TMEM63C: variants seen among roughly 807,000 people sequenced by gnomAD.
TMEM63C encodes the protein transmembrane protein 63C, also known as osmosensitive cation channel TMEM63C.
Under a neutral mutation model 99.2 loss-of-function variants are expected in TMEM63C, and 32 were observed. The observed-to-expected ratio is 0.32, with a 90% CI of 0.24 to 0.43. TMEM63C has a LOEUF of 0.43. Among genes scored for constraint, TMEM63C ranks in the 20% least tolerant of loss-of-function variants. The probability of loss-of-function intolerance (pLI) is 1.00; values close to 1 mark genes in which losing one functional copy is unlikely to be tolerated. For missense variants in TMEM63C, 826 were observed against 1,053.0 expected (o/e 0.78, Z 2.98); for synonymous variants, 376 against 397.9 (o/e 0.94, Z 0.66).
Position 77,210,778 on chromosome 14 carries a change from T to C in TMEM63C, c.-76-2668T>C, listed in dbSNP as rs557134143. On this transcript the variant is annotated intron_variant, in intron 1 of 23. Transcript: ENST00000298351. ...CAGAACCATGGGAGATAATCTTACCTGTTGTTAACAAAAAGATGATTAATT... is the reference window on the plus strand; with the variant it reads ...CAGAACCATGGGAGATAATCTTACCCGTTGTTAACAAAAAGATGATTAATT... Among the ~76,000 whole-genome samples, 7 of 152,254 alleles carry C rather than the reference T, an allele frequency of 4.6e-5. No homozygotes were observed. In the East Asian group the frequency reaches 9.7e-4, roughly 21 times the overall value.
At chr14:77,225,082 G>C (rs569120213) in intron 5 of TMEM63C, among the ~76,000 whole-genome samples, 1 of 152,140 alleles carries the variant, frequency 6.6e-6, no homozygotes, top group African/African-American at 2.4e-5. Context: ...TGGACCACAC[G>C]CATCCAGTGA....
chr14:77,186,791 GTGTGTGTGTC>G (rs1348038039), intron 1 of TMEM63C, among the ~76,000 whole-genome samples: 5 of 118,226 alleles, frequency 4.2e-5, no homozygotes, highest in South Asian at 3.1e-4. Flanking sequence ...GTGTGTGTGT[GTGTGTGTGTC>G]TGTGTGTGTG....
Position 77,249,414 on chromosome 14 carries a change from T to A in TMEM63C, c.1994T>A (p.Leu665His). ...AAVSQAIFAP[L>H]LGLFWMLFFS... ...GTCTCCCAGGCCATCTTTGCGCCACTCTTGGGTCTGTTCTGGATGCTGTTC... is the reference window on the plus strand; with the variant it reads ...GTCTCCCAGGCCATCTTTGCGCCACACTTGGGTCTGTTCTGGATGCTGTTC... Residue 665 changes from leucine (L) to histidine (H), a missense_variant, in exon 21 of 24, where the codon CTC becomes CAC. Coordinates refer to ENST00000298351, the MANE Select transcript of TMEM63C (RefSeq NM_020431.4). 1 of 1,614,040 alleles carries A rather than the reference T, an allele frequency of 6.2e-7. No homozygotes were observed. The highest frequency in any genetic ancestry group is 8.5e-7 in the Non-Finnish European group (1 of 1,179,896).
chr14:77,182,604 G>T (rs1464867746), intron 1 of TMEM63C, among the ~76,000 whole-genome samples: 1 of 152,134 alleles, frequency 6.6e-6, no homozygotes, highest in African/African-American at 2.4e-5. Flanking sequence ...CTCTGGAGGG[G>T]CAGGGGCCCT....
chr14:77,234,438 G>T (rs555836339), intron 8 of TMEM63C, among the ~76,000 whole-genome samples: 1 of 152,282 alleles, frequency 6.6e-6, no homozygotes, highest in African/African-American at 2.4e-5. Flanking sequence ...TTGCTGGCCC[G>T]AGGTACCTAC....
intron 13 of TMEM63C, among the ~76,000 whole-genome samples, 151 bp downstream of exon 13, chr14:77,240,759 G>A (rs560482892): frequency 6.6e-6 from 1 of 152,262 alleles, no homozygotes; most frequent in Non-Finnish European, 1.5e-5. Flanking sequence ...CAGTGGATGA[G>A]ATGGCCATAC....
chr14:77,201,641 G>C (rs1888301765), intron 1 of TMEM63C, among the ~76,000 whole-genome samples: 1 of 152,216 alleles, frequency 6.6e-6, no homozygotes, highest in African/African-American at 2.4e-5. Flanking sequence ...AGAAACCCTG[G>C]GGCAGGGCCC....
intron 1 of TMEM63C, among the ~76,000 whole-genome samples, chr14:77,185,864 G>A (rs1202903453): frequency 6.6e-6 from 1 of 152,094 alleles, no homozygotes; most frequent in Non-Finnish European, 1.5e-5. Flanking sequence ...TCCACACAGA[G>A]CCACTGGAAG....
chr14:77,233,953 G>A (rs1888991001), intron 8 of TMEM63C, among the ~76,000 whole-genome samples: 1 of 152,088 alleles, frequency 6.6e-6, no homozygotes, highest in Non-Finnish European at 1.5e-5. Flanking sequence ...CTGGCCCTAG[G>A]TCTGAAGCAG....
In TMEM63C at chr14:77,256,619, C is replaced by T. The variant is rs1423282803; in HGVS notation, c.2314C>T (p.Pro772Ser). 6.2e-7 allele frequency: 1 copy of T among 1,614,012 alleles called. No individual in the cohort carries two copies. Among genetic ancestry groups the T allele is most frequent in the South Asian group, 1.1e-5 (1 of 91,082 alleles). ...CACCTATGGCACCATGAACAACCAGCCGGAAGAGGGAGAAGAAGAGAGTGG... is the reference window on the plus strand; with the variant it reads ...CACCTATGGCACCATGAACAACCAGTCGGAAGAGGGAGAAGAAGAGAGTGG... ...RHTYGTMNNQ[P>S]EEGEEESGLR... The change falls in exon 24 of 24, where the codon CCG becomes TCG. Residue 772 changes from proline (P) to serine (S), a missense_variant. Transcript: ENST00000298351.
intron 6 of TMEM63C, among the ~76,000 whole-genome samples, chr14:77,226,253 C>A (rs1361571056): frequency 6.6e-6 from 1 of 152,178 alleles, no homozygotes; most frequent in Non-Finnish European, 1.5e-5. Flanking sequence ...CCCACCCCTA[C>A]CCAAAGACTC....
intron 7 of TMEM63C, among the ~76,000 whole-genome samples, chr14:77,232,874 AG>A (rs1406289372): frequency 6.6e-6 from 1 of 152,210 alleles, no homozygotes. Context: ...CCTTGGCCAG[AG>A]GTAGACCTTA....
chr14:77,208,331 G>C (rs1888440369), intron 1 of TMEM63C, among the ~76,000 whole-genome samples: 1 of 152,150 alleles, frequency 6.6e-6, no homozygotes, highest in Admixed American at 6.5e-5. Flanking sequence ...CCTTTCACCT[G>C]CTATCTAGGG....
At chr14:77,202,608 C>G (rs1888316939) in intron 1 of TMEM63C, among the ~76,000 whole-genome samples, 2 of 152,136 alleles carry the variant, frequency 1.3e-5, no homozygotes, top group Non-Finnish European at 2.9e-5. Context: ...CTCCCTTTGT[C>G]TTCTCATGGC....
In TMEM63C at chr14:77,248,463, G is replaced by T. The variant is rs750976794; in HGVS notation, c.1718G>T (p.Arg573Leu). Residue 573 changes from arginine (R) to leucine (L), a missense_variant, in exon 19 of 24, where the codon CGC becomes CTC. By Grantham distance (102) the Arg-to-Leu change is moderately radical (BLOSUM62 -2). Coordinates refer to ENST00000298351, the MANE Select transcript of TMEM63C (RefSeq NM_020431.4). Reference protein sequence around the residue: ...RLGSLFCYSTRLFFSRSEPER... With the variant: ...RLGSLFCYSTLLFFSRSEPER... ...GGGTCACTCTTCTGCTACAGCACCC[G>T]CCTCTTCTTCTCTAGATCAGAGCCA... 46 of 1,593,566 alleles carry T rather than the reference G, an allele frequency of 2.9e-5. No individual in the cohort carries two copies. Among genetic ancestry groups the T allele is most frequent in the Non-Finnish European group, 2.0e-5 (23 of 1,170,154 alleles).
At chr14:77,195,041 C>A (rs1333079219) in intron 1 of TMEM63C, among the ~76,000 whole-genome samples, 2 of 151,916 alleles carry the variant, frequency 1.3e-5, no homozygotes. Context: ...ATCAATTGAG[C>A]CCAGGCATTG....
In TMEM63C at chr14:77,218,842, C is replaced by T. The variant is rs767883333; in HGVS notation, c.29C>T (p.Thr10Ile). Reference protein sequence around the residue: MSASPDDLSTGGRLQNMTVD... With the variant: MSASPDDLSIGGRLQNMTVD... ...TCTGCCTCACCAGACGACCTGAGTA[C>T]AGGGGGAAGGTTACAGAACATGACA... Residue 10 changes from threonine (T) to isoleucine (I), a missense_variant, in exon 3 of 24, where the codon ACA (threonine) becomes ATA (isoleucine). Coordinates refer to ENST00000298351, the MANE Select transcript of TMEM63C (RefSeq NM_020431.4). 6.2e-7 allele frequency: 1 copy of T among 1,613,612 alleles called. No homozygotes were observed. Among genetic ancestry groups the T allele is most frequent in the Non-Finnish European group, 8.5e-7 (1 of 1,179,764 alleles).
At chr14:77,200,345 C>T (rs1374306839) in intron 1 of TMEM63C, among the ~76,000 whole-genome samples, 1 of 152,202 alleles carries the variant, frequency 6.6e-6, no homozygotes, top group South Asian at 2.1e-4. Flanking sequence ...GTTGTGCCAG[C>T]CACCACCCCT....
intron 2 of TMEM63C, 30 bp from the exon 3 acceptor site, chr14:77,218,771 C>T (rs989784222): frequency 2.5e-6 from 4 of 1,608,664 alleles, no homozygotes; most frequent in Admixed American, 1.7e-5. Context: ...GGAGTCTTTG[C>T]ATCTGACCTG....
Sources: gnomAD v4.1 joint callset for allele counts (sites outside exome capture counted in the v4.1 genomes callset) on GRCh38, gnomAD v4.1.1 for gene constraint, MANE v1.5 for transcripts, NCBI Gene and HGNC (gene_info 2026-07-23, HGNC 2026-07-21) for gene names.